Variants in FBN1 observed in about 807,000 individuals in gnomAD.
FBN1 encodes fibrillin-1.
A neutral mutation model predicts 365.1 loss-of-function variants in FBN1; 29 were observed. The observed-to-expected ratio is 0.08, with a 90% CI of 0.06 to 0.11. The LOEUF (loss-of-function observed/expected upper bound fraction) is 0.11, where lower values mean the gene tolerates loss of function less well. Among genes scored for constraint, FBN1 ranks in the 10% least tolerant of loss-of-function variants. The pLI is 1.00. For missense variants in FBN1, 2,476 were observed against 3,703.2 expected (o/e 0.67, Z 8.60); for synonymous variants, 1,210 against 1,270.5 (o/e 0.95, Z 1.01).
At position 48,596,429 on chromosome 15, in the gene FBN1, T is replaced by C. The variant is rs773041469; in HGVS notation, c.443-51A>G. 7 of 1,527,366 alleles carry C rather than the reference T, an allele frequency of 4.6e-6. 1 individual carries two copies. The highest frequency in any genetic ancestry group is 6.4e-6 in the Non-Finnish European group (7 of 1,101,582). 94.6% of individuals were successfully genotyped at this position (1,527,366 alleles called of 1,614,324 possible). ...CGCTTTACCTGAAAATAAATGCTAA[T>C]GAAGTAACACTTGTGGTCCTCTGGA... On this transcript the variant is annotated intron_variant, in intron 5 of 65. Transcript: ENST00000316623.
rs149611106 is a variant in FBN1 at position 48,600,203 on chromosome 15, T to C, written c.378A>G (p.Gly126=). The C allele has an allele frequency of 3.0e-5, 48 of 1,613,856 alleles. No homozygotes were observed. Among genetic ancestry groups the C allele is most frequent in the Non-Finnish European group, 3.6e-5 (43 of 1,179,914 alleles). The change falls in exon 5 of 66, where the codon GGA becomes GGG. Residue 126 remains glycine (G), a synonymous_variant. Coordinates refer to ENST00000316623, the MANE Select transcript of FBN1 (RefSeq NM_000138.5). ...GACAGTGATCGTCACTGCAGCTACC[T>C]CCATTCATACAGCGAATATTGCAGT... The part of the protein sequence containing the change: ...IQHCNIRCMN[G]GSCSDDHCLC...
At chr15:48,501,166 C>G (rs1397731780) in intron 17 of FBN1, among the ~76,000 whole-genome samples, 1 of 152,136 alleles carries the variant, frequency 6.6e-6, no homozygotes, top group Non-Finnish European at 1.5e-5. Flanking sequence ...AATGTGTCCT[C>G]CAAAGTTCAT....
At chr15:48,632,852 C>G (rs577466697) in intron 2 of FBN1, among the ~76,000 whole-genome samples, 49 of 152,250 alleles carry the variant, frequency 3.2e-4, no homozygotes, top group African/African-American at 1.2e-3. Context: ...GCTAAAACAC[C>G]GACTATGTGA....
At chr15:48,488,960 ATATAATT>A (rs1251948083) in intron 25 of FBN1, among the ~76,000 whole-genome samples, 2 of 152,194 alleles carry the variant, frequency 1.3e-5, no homozygotes, top group Non-Finnish European at 2.9e-5. Flanking sequence ...AATTTCAAAG[ATATAATT>A]TATAATTTAA....
chr15:48,523,553 C>A (rs1197841373), intron 9 of FBN1, among the ~76,000 whole-genome samples: 1 of 152,120 alleles, frequency 6.6e-6, no homozygotes, highest in Non-Finnish European at 1.5e-5. Flanking sequence ...TAAAAATACA[C>A]ATTTATATAA....
At chr15:48,578,265 C>T (rs189376079) in intron 6 of FBN1, among the ~76,000 whole-genome samples, 1 of 152,296 alleles carries the variant, frequency 6.6e-6, no homozygotes, top group Non-Finnish European at 1.5e-5. Context: ...AAAGCAGCTA[C>T]ATCCACATGG....
intron 14 of FBN1, among the ~76,000 whole-genome samples, chr15:48,509,217 C>T (rs2043738750): frequency 6.6e-6 from 1 of 151,906 alleles, no homozygotes; most frequent in Non-Finnish European, 1.5e-5. Context: ...AAAAAGTGGA[C>T]TTTTAGAATA....
intron 6 of FBN1, among the ~76,000 whole-genome samples, chr15:48,591,344 T>A (rs1488958581): frequency 2.6e-5 from 4 of 152,158 alleles, no homozygotes; most frequent in Non-Finnish European, 4.4e-5. Flanking sequence ...TTGCTGATTC[T>A]GTAAAGGCAC....
chr15:48,609,192 T>A (rs645509), intron 4 of FBN1, among the ~76,000 whole-genome samples: 1 of 152,140 alleles, frequency 6.6e-6, no homozygotes, highest in African/African-American at 2.4e-5. Context: ...GTTCAGGGGC[T>A]CTTGCTACGT....
In FBN1 at chr15:48,411,542, G is replaced by T. The variant is rs138949655; in HGVS notation, c.8227-163C>A. 2.7e-3 allele frequency among the ~76,000 whole-genome samples: 406 copies of T among 152,296 alleles called. 2 individuals carry two copies. The highest frequency in any genetic ancestry group is 4.4e-3 in the Non-Finnish European group (300 of 68,034). On this transcript the variant is annotated intron_variant, in intron 65 of 65. Transcript: ENST00000316623. ...GTTTAGACCACAAGTGTATTAAATTGGCACATATTTGTAATATTTGAAAAT... is the reference window on the plus strand; with the variant it reads ...GTTTAGACCACAAGTGTATTAAATTTGCACATATTTGTAATATTTGAAAAT...
intron 6 of FBN1, among the ~76,000 whole-genome samples, chr15:48,544,005 CAT>C (rs1221728246): frequency 2.0e-5 from 3 of 151,872 alleles, no homozygotes; most frequent in Non-Finnish European, 2.9e-5. Context: ...TGTACATACA[CAT>C]AGAGAGCTAT....
At chr15:48,599,552 A>C (rs1597625347) in intron 5 of FBN1, among the ~76,000 whole-genome samples, 1 of 151,568 alleles carries the variant, frequency 6.6e-6, no homozygotes, top group African/African-American at 2.4e-5. Context: ...AAAAAAAAAC[A>C]AGGTTTTTAA....
At chr15:48,438,011 G>C in intron 50 of FBN1, 94 bp from the exon 51 acceptor site, 2 of 1,311,978 alleles carry the variant, frequency 1.5e-6, no homozygotes, top group African/African-American at 1.4e-5. Flanking sequence ...TGTTATATAT[G>C]TTCTCCTCTC....
Position 48,425,757 on chromosome 15 carries a change from T to A in FBN1, c.7312A>T (p.Thr2438Ser). 1 of 1,613,600 alleles carries A rather than the reference T, an allele frequency of 6.2e-7. No individual in the cohort carries two copies. The highest frequency in any genetic ancestry group is 8.5e-7 in the Non-Finnish European group (1 of 1,179,528). ...CACTTACCTACACAGGAAGTCCCAG[T>A]TATATCTGGAGTGTACCCAGTTTTA... ...ICKTGYTPDI[T>S]GTSCVDLNEC... Residue 2438 changes from threonine to serine, a missense_variant, in exon 59 of 66, where the codon ACT becomes TCT. By Grantham distance (58) the Thr-to-Ser change is moderately conservative (BLOSUM62 1). Coordinates refer to ENST00000316623, the MANE Select transcript of FBN1 (RefSeq NM_000138.5).
chr15:48,472,241 G>A (rs918364899), intron 35 of FBN1, among the ~76,000 whole-genome samples: 4 of 152,066 alleles, frequency 2.6e-5, no homozygotes, highest in Admixed American at 6.6e-5. Flanking sequence ...ATCCCCCTCC[G>A]TAGGGATAAA....
At chr15:48,428,569 T>C (rs1418807859) in intron 56 of FBN1, 98 bp from the exon 57 acceptor site, 3 of 1,352,416 alleles carry the variant, frequency 2.2e-6, no homozygotes, top group Non-Finnish European at 3.2e-6. Context: ...CCTCCCTCCC[T>C]CCTTCCCTCC....
intron 6 of FBN1, among the ~76,000 whole-genome samples, chr15:48,576,190 TC>T (rs1341348492): frequency 6.6e-6 from 1 of 152,202 alleles, no homozygotes; most frequent in Admixed American, 6.6e-5. Flanking sequence ...ATCATCTCCC[TC>T]CCTTCATGGT....
chr15:48,420,222 A>C (rs1056582237), intron 63 of FBN1, among the ~76,000 whole-genome samples: 1 of 152,130 alleles, frequency 6.6e-6, no homozygotes, highest in African/African-American at 2.4e-5. Context: ...CAAAACACAC[A>C]AAAAAACACA....
intron 56 of FBN1, among the ~76,000 whole-genome samples, 176 bp from the exon 57 acceptor site, chr15:48,428,647 T>G (rs1244818871): frequency 1.3e-5 from 2 of 151,966 alleles, no homozygotes; most frequent in Non-Finnish European, 2.9e-5. Context: ...CTCACATCTT[T>G]CCTTCTTAAC....
Sources: gnomAD v4.1 joint callset for allele counts (sites outside exome capture counted in the v4.1 genomes callset) on GRCh38, gnomAD v4.1.1 for gene constraint, MANE v1.5 for transcripts, NCBI Gene and HGNC (gene_info 2026-07-23, HGNC 2026-07-21) for gene names.